Variants in TXNL4A observed in about 807,000 individuals in gnomAD.
TXNL4A encodes the protein thioredoxin-like protein 4A.
In TXNL4A, 17 loss-of-function variants were observed where a neutral mutation model predicts 14.6. The observed-to-expected ratio is 1.16, with a 90% CI of 0.80 to 1.74. The LOEUF (loss-of-function observed/expected upper bound fraction) is 1.74. Among genes scored for constraint, TXNL4A ranks in the 40% most tolerant of loss-of-function variants. The pLI, the probability that TXNL4A is intolerant of heterozygous loss-of-function variation, is 0.00. For synonymous variants in TXNL4A, 83 were observed against 70.6 expected, an observed-to-expected ratio of 1.18 and a Z score of -0.88; for missense variants, 74 against 195.2, an observed-to-expected ratio of 0.38 and a Z score of 3.70.
chr18:79,987,523 T>C (rs777770123), intron 1 of TXNL4A, among the ~76,000 whole-genome samples: 5 of 149,114 alleles, frequency 3.4e-5, no homozygotes, highest in Admixed American at 1.3e-4. Flanking sequence ...CTTTGCCCTA[T>C]TGCTACAGCT....
chr18:80,010,173 A>G (rs1396328188), intron 1 of TXNL4A, among the ~76,000 whole-genome samples: 2 of 152,104 alleles, frequency 1.3e-5, no homozygotes, highest in Non-Finnish European at 2.9e-5. Context: ...CACAAAGGTG[A>G]AGTTGGGGCG....
At chr18:79,980,655 C>T (rs2051448849) in intron 1 of TXNL4A, among the ~76,000 whole-genome samples, 1 of 152,220 alleles carries the variant, frequency 6.6e-6, no homozygotes, top group African/African-American at 2.4e-5. Context: ...CTCCACTGCC[C>T]TTCAGCTTTG....
intron 1 of TXNL4A, among the ~76,000 whole-genome samples, chr18:80,003,272 G>A (rs2051709219): frequency 6.6e-6 from 1 of 152,352 alleles, no homozygotes; most frequent in South Asian, 2.1e-4. Context: ...AATGGCCTGA[G>A]GAGTACTTCA....
chr18:80,029,870 T>TA (rs145927834), intron 1 of TXNL4A, among the ~76,000 whole-genome samples: 17 of 152,010 alleles, frequency 1.1e-4, no homozygotes, highest in East Asian at 7.7e-4. Flanking sequence ...CTTATCGCCT[T>TA]AAAAAAAAGC....
intron 1 of TXNL4A, among the ~76,000 whole-genome samples, chr18:80,030,891 C>T (rs1466840066): frequency 1.3e-5 from 2 of 152,112 alleles, no homozygotes; most frequent in African/African-American, 2.4e-5. Flanking sequence ...TGCTTGAACC[C>T]GGGAGTTGGA....
intron 1 of TXNL4A, among the ~76,000 whole-genome samples, chr18:79,986,439 G>C (rs2051549362): frequency 8.0e-6 from 1 of 124,930 alleles, no homozygotes; most frequent in Admixed American, 7.7e-5. Context: ...TATTTTAAAA[G>C]ACCAAAAAAA....
At chr18:79,988,648 G>T (rs2051597622), upstream of TXNL4A, 1 of 325,300 alleles carries the variant, frequency 3.1e-6, no homozygotes, top group Admixed American at 5.0e-5. Flanking sequence ...GCGTATAGGC[G>T]CCGCGCGAAC....
chr18:80,013,160 C>G (rs886327847), intron 1 of TXNL4A, among the ~76,000 whole-genome samples: 6 of 150,188 alleles, frequency 4.0e-5, no homozygotes, highest in African/African-American at 1.2e-4. Flanking sequence ...TGGCTCTGTC[C>G]CCCAGGCTGG....
upstream of TXNL4A, among the ~76,000 whole-genome samples, chr18:79,989,113 A>G (rs2051604503): frequency 6.6e-6 from 1 of 152,038 alleles, no homozygotes; most frequent in East Asian, 1.9e-4. Context: ...GTAACCTGAA[A>G]CCAGGTTTTT....
intron 1 of TXNL4A, among the ~76,000 whole-genome samples, chr18:80,016,865 T>C (rs1472918285): frequency 1.3e-5 from 2 of 151,180 alleles, no homozygotes; most frequent in South Asian, 2.1e-4. Flanking sequence ...TGGTTCCATA[T>C]GAACTTTAAA....
chr18:80,027,493 G>A (rs1480299480), intron 1 of TXNL4A, among the ~76,000 whole-genome samples: 1 of 152,152 alleles, frequency 6.6e-6, no homozygotes, highest in East Asian at 1.9e-4. Flanking sequence ...GCCTTCTTTA[G>A]TATTCCTGTA....
intron 1 of TXNL4A, among the ~76,000 whole-genome samples, chr18:79,980,007 G>A (rs772465349): frequency 5.3e-5 from 8 of 152,214 alleles, no homozygotes; most frequent in Non-Finnish European, 1.0e-4. Context: ...TACTGCAGGC[G>A]TAATCAGTTA....
At position 79,988,400 on chromosome 18, in the gene TXNL4A, C is replaced by T. The variant is rs1599732153; in HGVS notation, c.-8G>A. ...CGGGAGCATGTACGACATGGCGGCC[C>T]GCGCGCTCGCCGCCGCCCAAGGCGG... On this transcript the variant is annotated 5_prime_UTR_variant, in exon 1 of 3. Transcript: ENST00000269601. 1 of 1,443,420 alleles carries T rather than the reference C, an allele frequency of 6.9e-7. No homozygotes were observed. Among genetic ancestry groups the T allele is most frequent in the East Asian group, 2.8e-5 (1 of 35,236 alleles). The allele number at this position is 1,443,420 out of a possible 1,614,324, so 89.4% of individuals were successfully genotyped here. A position where few individuals can be genotyped will look rare whatever the true frequency, so the allele number is the denominator to read the frequency against.
intron 2 of TXNL4A, among the ~76,000 whole-genome samples, chr18:79,974,233 T>C (rs941586338): frequency 6.6e-6 from 1 of 152,046 alleles, no homozygotes. Context: ...GATAACAAAA[T>C]GAGACCCCCA....
intron 2 of TXNL4A, chr18:79,976,936 T>A (rs1394088844): frequency 2.8e-6 from 1 of 355,228 alleles, no homozygotes; most frequent in African/African-American, 2.2e-5. Flanking sequence ...CCGAAGTTGA[T>A]GATAACATAT....
At chr18:80,007,442 T>C (rs1168136983) in intron 1 of TXNL4A, among the ~76,000 whole-genome samples, 1 of 151,986 alleles carries the variant, frequency 6.6e-6, no homozygotes, top group Non-Finnish European at 1.5e-5. Flanking sequence ...GAGCAGGGAG[T>C]TTCACAATGT....
chr18:79,978,464 C>T (rs2051413097), intron 1 of TXNL4A, among the ~76,000 whole-genome samples: 1 of 152,118 alleles, frequency 6.6e-6, no homozygotes, highest in African/African-American at 2.4e-5. Flanking sequence ...AAAATAAGAT[C>T]ACCTCCAATC....
chr18:79,973,874 G>A lies in TXNL4A; in HGVS notation c.258-18C>T, dbSNP rs201989639. ...GCTTGTTCCTGCAACGAGAAACAAG[G>A]GCATCCATTCTCATAGAAGTCTCTT... On this transcript the variant is annotated intron_variant, in intron 2 of 2. Coordinates refer to ENST00000269601, the MANE Select transcript of TXNL4A (RefSeq NM_006701.5). 1 of 1,611,190 alleles carries A rather than the reference G, an allele frequency of 6.2e-7. No individual in the cohort carries two copies. The highest frequency in any genetic ancestry group is 8.5e-7 in the Non-Finnish European group (1 of 1,178,808).
chr18:79,973,768 T>C lies in TXNL4A; in HGVS notation c.346A>G (p.Ile116Val), dbSNP rs1599708601. 6.2e-7 allele frequency: 1 copy of C among 1,614,226 alleles called. No homozygotes were observed. Among genetic ancestry groups the C allele is most frequent in the Non-Finnish European group, 8.5e-7 (1 of 1,180,042 alleles). Reference sequence around the variant, plus strand: ...CGGGCCCCGCGGTACACCGTCTCGATGATGTCCACCATCTCCTGCTTGTCC... The same window carrying C: ...CGGGCCCCGCGGTACACCGTCTCGACGATGTCCACCATCTCCTGCTTGTCC... ...MEDKQEMVDI[I>V]ETVYRGARKG... Residue 116 changes from isoleucine to valine, a missense_variant, in exon 3 of 3, where the codon ATC becomes GTC. Coordinates refer to ENST00000269601, the MANE Select transcript of TXNL4A (RefSeq NM_006701.5).
Sources: allele counts gnomAD v4.1 joint callset (sites outside exome capture counted in the v4.1 genomes callset), GRCh38; gene constraint gnomAD v4.1.1; transcripts MANE v1.5; gene names NCBI Gene and HGNC (gene_info 2026-07-23, HGNC 2026-07-21).